The following HMCN1 variants were observed in gnomAD, a reference collection of about 807,000 sequenced individuals.
The protein encoded by HMCN1 is hemicentin 1, also known as hemicentin-1.
A neutral mutation model predicts 625.9 loss-of-function variants in HMCN1; 321 were observed. The observed-to-expected ratio is 0.51, with a 90% confidence interval of 0.47 to 0.56. HMCN1 has a LOEUF of 0.56. HMCN1 is among the 20% of genes least tolerant of loss of function. The pLI is 0.00. For missense variants in HMCN1, 6,588 were observed against 6,887.3 expected, an observed-to-expected ratio of 0.96 and a Z score of 1.54; for synonymous variants, 2,425 against 2,417.6, an observed-to-expected ratio of 1.00 and a Z score of -0.09.
chr1:186,029,836 A>G (rs1365723743), intron 36 of HMCN1, among the ~76,000 whole-genome samples: 3 of 150,732 alleles, frequency 2.0e-5, no homozygotes, highest in Admixed American at 1.3e-4. Flanking sequence ...TTGATTTGAG[A>G]TCTTATTTTT....
intron 93 of HMCN1, among the ~76,000 whole-genome samples, chr1:186,149,673 A>G (rs1480304971): frequency 6.6e-6 from 1 of 152,084 alleles, no homozygotes; most frequent in Non-Finnish European, 1.5e-5. Context: ...GCCTACATCA[A>G]TTTTCTACAT....
chr1:185,849,426 A>G (rs970622513), intron 2 of HMCN1, among the ~76,000 whole-genome samples: 4 of 152,182 alleles, frequency 2.6e-5, no homozygotes, highest in African/African-American at 7.2e-5. Flanking sequence ...GGGAGTTCAC[A>G]TTGAAGGACT....
At chr1:185,785,547 C>T (rs576146945) in intron 1 of HMCN1, among the ~76,000 whole-genome samples, 1 of 152,300 alleles carries the variant, frequency 6.6e-6, no homozygotes, top group South Asian at 2.1e-4. Context: ...TCATAACAGA[C>T]AAAATATTGA....
chr1:185,753,339 A>G (rs1362781553), intron 1 of HMCN1, among the ~76,000 whole-genome samples: 1 of 152,054 alleles, frequency 6.6e-6, no homozygotes, highest in African/African-American at 2.4e-5. Flanking sequence ...CATTCCCAAT[A>G]TTACTTGTGA....
In HMCN1 at chr1:186,055,426, C is replaced by G. The variant is rs763493876; in HGVS notation, c.6896C>G (p.Pro2299Arg). The change falls in exon 45 of 107, where the codon CCT (proline) becomes CGT (arginine). Residue 2299 changes from proline (P) to arginine (R), a missense_variant. Pro to Arg is a moderately radical substitution (Grantham distance 103). Transcript: ENST00000271588. ...ACCATAACCAACAGTGGCAGCCACC[C>G]TACTGAAATTATTGTGACCCGAGGG... Reference protein sequence around the residue: ...RPTITNSGSHPTEIIVTRGKS... With the variant: ...RPTITNSGSHRTEIIVTRGKS... 2.5e-6 allele frequency: 4 copies of G among 1,612,646 alleles called. No homozygotes were observed. Among genetic ancestry groups the G allele is most frequent in the South Asian group, 2.2e-5 (2 of 91,064 alleles).
chr1:185,859,659 T>TTTATTA (rs905901608), intron 2 of HMCN1, among the ~76,000 whole-genome samples: 5 of 151,658 alleles, frequency 3.3e-5, no homozygotes, highest in African/African-American at 1.2e-4. Context: ...GATCATTTTA[T>TTTATTA]TTATTATTAT....
chr1:186,096,590 G>A (rs780319013), intron 68 of HMCN1, among the ~76,000 whole-genome samples: 18 of 151,936 alleles, frequency 1.2e-4, no homozygotes, highest in Non-Finnish European at 2.2e-4. Flanking sequence ...GATATTTAGG[G>A]GCAAAAGAAA....
intron 36 of HMCN1, among the ~76,000 whole-genome samples, chr1:186,028,261 A>C (rs1393040579): frequency 2.6e-5 from 4 of 152,146 alleles, no homozygotes; most frequent in African/African-American, 9.7e-5. Flanking sequence ...AGGAAAAAAA[A>C]CCCAGCAAAT....
intron 42 of HMCN1, among the ~76,000 whole-genome samples, chr1:186,050,555 G>T (rs1656883745): frequency 6.6e-6 from 1 of 151,982 alleles, no homozygotes; most frequent in South Asian, 2.1e-4. Flanking sequence ...AGAAAACAAT[G>T]AGTAAGTTTG....
Position 186,093,616 on chromosome 1 carries a change from T to C in HMCN1, c.10143T>C (p.Leu3381=). 6.2e-7 allele frequency: 1 copy of C among 1,613,460 alleles called. No homozygotes were observed. The highest frequency in any genetic ancestry group is 1.1e-5 in the South Asian group (1 of 91,072). ...AGATAAACTGGCTGAAGAATGGACT[T>C]CCTCTGCCTCTCTCCTCCCATATCC... ...PPQINWLKNG[L]PLPLSSHIRL... is the part of the protein sequence containing the mutation. The change falls in exon 66 of 107, where the codon CTT becomes CTC. Residue 3381 remains leucine, a synonymous_variant. Coordinates refer to ENST00000271588, the MANE Select transcript of HMCN1 (RefSeq NM_031935.3).
intron 1 of HMCN1, among the ~76,000 whole-genome samples, chr1:185,766,500 A>G (rs1655881815): frequency 1.3e-5 from 2 of 152,154 alleles, no homozygotes; most frequent in Admixed American, 6.6e-5. Context: ...GTCTCAGGAA[A>G]CTGCACGAGT....
intron 4 of HMCN1, among the ~76,000 whole-genome samples, chr1:185,873,078 A>C (rs908164644): frequency 1.3e-5 from 2 of 152,188 alleles, no homozygotes; most frequent in East Asian, 3.8e-4. Flanking sequence ...ACTAGCCAAT[A>C]AGTTGCATGC....
Position 186,001,620 on chromosome 1 carries a change from T to C in HMCN1, c.4227T>C (p.Thr1409=). Residue 1409 remains threonine (T), a synonymous_variant, in exon 28 of 107, where the codon ACT becomes ACC. Coordinates refer to ENST00000271588, the MANE Select transcript of HMCN1 (RefSeq NM_031935.3). ...TGACTGAAAGCAGCACTATTCAGACTGTGAACAATGGGAAGATACTGAAGC... is the reference window on the plus strand; with the variant it reads ...TGACTGAAAGCAGCACTATTCAGACCGTGAACAATGGGAAGATACTGAAGC... ...VQVTESSTIQ[T]VNNGKILKLF... The C allele has an allele frequency of 6.2e-7, 1 of 1,613,230 alleles. No homozygotes were observed. The highest frequency in any genetic ancestry group is 1.3e-5 in the African/African-American group (1 of 75,004).
intron 4 of HMCN1, among the ~76,000 whole-genome samples, chr1:185,899,377 A>G (rs1665676799): frequency 6.6e-6 from 1 of 152,130 alleles, no homozygotes; most frequent in South Asian, 2.1e-4. Context: ...ACAACCAAAA[A>G]TGCAGCGAAA....
chr1:186,082,454 AGAGT>A (rs1659225136), intron 56 of HMCN1, among the ~76,000 whole-genome samples: 1 of 152,170 alleles, frequency 6.6e-6, no homozygotes, highest in Non-Finnish European at 1.5e-5. Context: ...GAGTTCCAAA[AGAGT>A]GAGCACGAGT....
intron 9 of HMCN1, among the ~76,000 whole-genome samples, chr1:185,926,863 G>A (rs568072363): frequency 2.6e-5 from 4 of 152,206 alleles, no homozygotes; most frequent in South Asian, 2.1e-4. Flanking sequence ...TTTATTTGAC[G>A]TGTTCTTTTC....
At chr1:185,905,949 T>A (rs1177378640) in intron 4 of HMCN1, among the ~76,000 whole-genome samples, 1 of 151,860 alleles carries the variant, frequency 6.6e-6, no homozygotes, top group Non-Finnish European at 1.5e-5. Context: ...ACCATTTTTA[T>A]ATTAAAACAT....
Position 185,830,770 on chromosome 1 carries a change from C to T in HMCN1, c.269-15256C>T, listed in dbSNP as rs1476767324. 3.3e-5 allele frequency among the ~76,000 whole-genome samples: 5 copies of T among 152,002 alleles called. No individual in the cohort carries two copies. The South Asian group carries it at 1.0e-3, about 32-fold the overall frequency. On this transcript the variant is annotated intron_variant, in intron 1 of 106. Transcript: ENST00000271588. Reference sequence around the variant, plus strand: ...AGGCGTGGTGGTGTGTGCCTGTAGTCTGAGCTACTGAGGAGGCTGAGGTGG... The same window carrying T: ...AGGCGTGGTGGTGTGTGCCTGTAGTTTGAGCTACTGAGGAGGCTGAGGTGG...
In HMCN1 at chr1:185,977,825, A is replaced by T; in HGVS notation, c.2410A>T (p.Met804Leu). The T allele has an allele frequency of 6.2e-7, 1 of 1,613,280 alleles. No individual in the cohort carries two copies. Among genetic ancestry groups the T allele is most frequent in the Non-Finnish European group, 8.5e-7 (1 of 1,179,458 alleles). The change falls in exon 16 of 107, where the codon ATG becomes TTG. Residue 804 changes from methionine to leucine, a missense_variant. By Grantham distance (15) the Met-to-Leu change is conservative. This residue lies in a region of HMCN1 where 4,628 missense variants were observed against 4,853.1 expected (regional missense o/e 0.95). Transcript: ENST00000271588. ...VFIQEPADVS[M>L]EIGSNVTLPC... ...CATACAAGAACCTGCTGATGTGTCT[A>T]TGGAAATTGGCTCAAATGTGACATT...
Sources: allele counts gnomAD v4.1 joint callset (sites outside exome capture counted in the v4.1 genomes callset), GRCh38; gene constraint gnomAD v4.1.1; regional missense constraint gnomAD v4.1.1; transcripts MANE v1.5; gene names NCBI Gene and HGNC (gene_info 2026-07-23, HGNC 2026-07-21).